The following ITIH1 variants were observed in gnomAD, a reference collection of about 807,000 sequenced individuals.
The protein encoded by ITIH1 is inter-alpha-trypsin inhibitor heavy chain 1.
A neutral mutation model predicts 104.6 loss-of-function variants in ITIH1; 94 were observed. The observed-to-expected ratio is 0.90, with a 90% CI of 0.76 to 1.07. The LOEUF is 1.07. ITIH1 is among the 50% of genes least tolerant of loss of function. The pLI is 0.00. For missense variants in ITIH1, 1,193 were observed against 1,181.4 expected (o/e 1.01, Z -0.14); for synonymous variants, 455 against 464.4 (o/e 0.98, Z 0.26).
At chr3:52,787,804 C>G in intron 16 of ITIH1, 182 bp from the exon 17 acceptor site, 1 of 895,990 alleles carries the variant, frequency 1.1e-6, no homozygotes, top group Non-Finnish European at 1.9e-6. Flanking sequence ...GCTAAACATG[C>G]CAGGCCAAGC....
At chr3:52,787,921 G>A in intron 16 of ITIH1, 65 bp from the exon 17 acceptor site, 1 of 1,458,222 alleles carries the variant, frequency 6.9e-7, no homozygotes. Context: ...AGTCATCAGA[G>A]GGATCAGCAG....
At position 52,787,050 on chromosome 3, in the gene ITIH1, C is replaced by T; in HGVS notation, c.1839C>T (p.Gly613=). 1 of 1,614,176 alleles carries T rather than the reference C, an allele frequency of 6.2e-7. No individual in the cohort carries two copies. The highest frequency in any genetic ancestry group is 8.5e-7 in the Non-Finnish European group (1 of 1,180,022). ...CACTGACCTCCATGAGCATCAGGGGCATGGCGGACCAGGACGGCCTGAAGC... is the reference window on the plus strand; with the variant it reads ...CACTGACCTCCATGAGCATCAGGGGTATGGCGGACCAGGACGGCCTGAAGC... ...VTPLTSMSIR[G]MADQDGLKPT... The change falls in exon 14 of 22, where the codon GGC becomes GGT. Residue 613 remains glycine (G), a synonymous_variant. Coordinates refer to ENST00000273283, the MANE Select transcript of ITIH1 (RefSeq NM_002215.4).
In ITIH1 at chr3:52,782,155, C is replaced by G; in HGVS notation, c.818C>G (p.Ala273Gly). Reference protein sequence around the residue: ...SRDKICDLLVANNHFAHFFAP... With the variant: ...SRDKICDLLVGNNHFAHFFAP... ...ACTCGTTCTCCTCTATTTCAGGTGG[C>G]CAATAACCACTTTGCCCACTTCTTT... The change falls in exon 8 of 22, where the codon GCC (alanine) becomes GGC (glycine). Residue 273 changes from alanine to glycine, a missense_variant. Ala to Gly is a moderately conservative substitution (Grantham distance 60, BLOSUM62 0). Coordinates refer to ENST00000273283, the MANE Select transcript of ITIH1 (RefSeq NM_002215.4). 6.2e-6 allele frequency: 10 copies of G among 1,614,090 alleles called. No homozygotes were observed. The highest frequency in any genetic ancestry group is 8.5e-6 in the Non-Finnish European group (10 of 1,179,996).
At chr3:52,787,279 C>G in intron 15 of ITIH1, 77 bp downstream of exon 15, 1 of 1,574,082 alleles carries the variant, frequency 6.4e-7, no homozygotes, top group Non-Finnish European at 8.7e-7. Flanking sequence ...GCCCCAGGCT[C>G]GCAGCTCCCC....
At position 52,789,813 on chromosome 3, in the gene ITIH1, T is replaced by C. The variant is rs1460413659; in HGVS notation, c.2280T>C (p.Pro760=). ...CGCTGAACCCCGGCTTTGGTGGGCC[T>C]GTGTTTTCCTGGAGGGACCAAGCTG... ...NITLNPGFGG[P]VFSWRDQAVL... The change falls in exon 19 of 22, where the codon CCT becomes CCC. Residue 760 remains proline (P), a synonymous_variant. Transcript: ENST00000273283. 6.2e-7 allele frequency: 1 copy of C among 1,614,186 alleles called. No homozygotes were observed. Among genetic ancestry groups the C allele is most frequent in the African/African-American group, 1.3e-5 (1 of 75,058 alleles).
intron 15 of ITIH1, 143 bp downstream of exon 15, chr3:52,787,345 C>T (rs747690550): frequency 1.3e-4 from 163 of 1,265,396 alleles, no homozygotes; most frequent in Admixed American, 2.7e-4. Flanking sequence ...CTGAGCCGCC[C>T]TTCTCCACAT....
Position 52,788,241 on chromosome 3 carries a change from A to C in ITIH1, c.2015A>C (p.Asp672Ala). 6.2e-7 allele frequency: 1 copy of C among 1,606,900 alleles called. No individual in the cohort carries two copies. Among genetic ancestry groups the C allele is most frequent in the Non-Finnish European group, 8.5e-7 (1 of 1,175,066 alleles). ...CATGCTGTGCCCCCAGTGGACACAG[A>C]CCCTCACTTCATCATCCACGTGCCC... Reference protein sequence around the residue: ...LPDRVTGVDTDPHFIIHVPQK... With the variant: ...LPDRVTGVDTAPHFIIHVPQK... Residue 672 changes from aspartate to alanine, a missense_variant, in exon 18 of 22, where the codon GAC (aspartate) becomes GCC (alanine). Coordinates refer to ENST00000273283, the MANE Select transcript of ITIH1 (RefSeq NM_002215.4).
In ITIH1 at chr3:52,781,961, A is replaced by G. The variant is rs202021485; in HGVS notation, c.709A>G (p.Thr237Ala). ...CCAGGGTCATGTGCTGTTCCGTCCCACCGTGAGCCAGCAGCAGTCCTGCCC... is the reference window on the plus strand; with the variant it reads ...CCAGGGTCATGTGCTGTTCCGTCCCGCCGTGAGCCAGCAGCAGTCCTGCCC... ...GKKGHVLFRP[T>A]VSQQQSCPTC... The change falls in exon 7 of 22, where the codon ACC becomes GCC. Residue 237 changes from threonine (T) to alanine (A), a missense_variant. By Grantham distance (58) the Thr-to-Ala change is moderately conservative. Coordinates refer to ENST00000273283, the MANE Select transcript of ITIH1 (RefSeq NM_002215.4). 9.7e-5 allele frequency: 157 copies of G among 1,613,996 alleles called. No individual in the cohort carries two copies.
rs1699232162 is a variant in ITIH1 at position 52,787,482 on chromosome 3, C to A, written c.1904-110C>A. 5 of 1,332,558 alleles carry A rather than the reference C, an allele frequency of 3.8e-6. No individual in the cohort carries two copies. In the South Asian group the frequency reaches 4.7e-5, roughly 13 times the overall value. 82.5% of individuals were successfully genotyped at this position (1,332,558 alleles called of 1,614,324 possible). A position where few individuals can be genotyped will look rare whatever the true frequency, so the allele number is the denominator to read the frequency against. On this transcript the variant is annotated intron_variant, in intron 15 of 21. Coordinates refer to ENST00000273283, the MANE Select transcript of ITIH1 (RefSeq NM_002215.4). ...GCAGGACCCCAGGGGAGGGCTGAGA[C>A]CCCCAGAGGGACGGCTGGGCCCAGG...
At chr3:52,781,917 G>T in intron 6 of ITIH1, 23 bp from the exon 7 acceptor site, 1 of 1,613,502 alleles carries the variant, frequency 6.2e-7, no homozygotes. Flanking sequence ...ACCAGTAATG[G>T]CTCACACTCT....
chr3:52,780,409 G>C (rs749366505), intron 6 of ITIH1, 27 bp downstream of exon 6: 3 of 1,538,654 alleles, frequency 1.9e-6, no homozygotes, highest in Non-Finnish European at 2.7e-6. Flanking sequence ...GGGGGTGGTG[G>C]TGGGCCCTTT....
chr3:52,779,052 T>A lies in ITIH1; in HGVS notation c.410+6T>A. 1 of 1,594,128 alleles carries A rather than the reference T, an allele frequency of 6.3e-7. No homozygotes were observed. Among genetic ancestry groups the A allele is most frequent in the Non-Finnish European group, 8.6e-7 (1 of 1,161,866 alleles). The stretch of plus-strand genomic sequence containing the variant: ...GAGAATGCCGGCCTTGTCAGGTGAG[T>A]TCTGGGCCTGCTGGTCTCATCTCTA... On this transcript the variant is annotated splice_donor_region_variant and intron_variant, in intron 4 of 21. Coordinates refer to ENST00000273283, the MANE Select transcript of ITIH1 (RefSeq NM_002215.4). The surrounding 1 kb of genome is among the most constrained non-coding windows in gnomAD (Gnocchi z 4.4).
chr3:52,784,469 C>T lies in ITIH1; in HGVS notation c.1399C>T (p.Gln467Ter). Residue 467 changes from glutamine (Q) to a stop codon, truncating the protein, a stop_gained, in exon 11 of 22, where the codon CAG becomes TAG. Transcript: ENST00000273283. LOFTEE classifies it high-confidence loss of function. ...RIYEDHDATQQLQGFYSQVAK... is the reference protein window; with the variant it reads ...RIYEDHDATQ ...CTACGAGGACCATGATGCCACCCAG[C>T]AGCTGCAGGTCTCCCCTCACAACCC... The T allele has an allele frequency of 6.2e-7, 1 of 1,613,776 alleles. No individual in the cohort carries two copies. Among genetic ancestry groups the T allele is most frequent in the Non-Finnish European group, 8.5e-7 (1 of 1,179,792 alleles).
intron 8 of ITIH1, 65 bp downstream of exon 8, chr3:52,782,332 C>A: frequency 7.9e-7 from 1 of 1,264,184 alleles, no homozygotes; most frequent in Non-Finnish European, 1.2e-6. Context: ...TCACCACATG[C>A]CAGTTTTGCT....
At position 52,791,652 on chromosome 3, in the gene ITIH1, C is replaced by T. The variant is rs376720123; in HGVS notation, c.2606+24C>T. The T allele has an allele frequency of 8.3e-5, 134 of 1,610,156 alleles. No individual in the cohort carries two copies. In the African/African-American group the frequency reaches 1.3e-3, roughly 16 times the overall value. ...AGGTGGGTGGGCTGCTTGCCCAGCACGTCTGCCCTCGGCCACTTTGTAGTT... is the reference window on the plus strand; with the variant it reads ...AGGTGGGTGGGCTGCTTGCCCAGCATGTCTGCCCTCGGCCACTTTGTAGTT... On this transcript the variant is annotated intron_variant, in intron 21 of 21. Transcript: ENST00000273283.
At chr3:52,778,898 T>A in intron 3 of ITIH1, 44 bp from the exon 4 acceptor site, 1 of 1,415,666 alleles carries the variant, frequency 7.1e-7, no homozygotes, top group Non-Finnish European at 1.0e-6. Context: ...ACCTGTGTGG[T>A]CAGGAGGCTC....
intron 2 of ITIH1, 121 bp from the exon 3 acceptor site, chr3:52,778,219 C>T: frequency 8.6e-7 from 1 of 1,156,612 alleles, no homozygotes; most frequent in South Asian, 1.3e-5. Flanking sequence ...TTCCTGCGGT[C>T]TGTTCTTCCT....
In ITIH1 at chr3:52,786,439, G is replaced by T; in HGVS notation, c.1733+5G>T. On this transcript the variant is annotated splice_donor_5th_base_variant and intron_variant, in intron 13 of 21. Coordinates refer to ENST00000273283, the MANE Select transcript of ITIH1 (RefSeq NM_002215.4). Reference sequence around the variant, plus strand: ...CCAGGAGCTGCTGGCCAAGCGGTAGGGCACCTGCAGCTGCCCCAGGTGGGC... The same window carrying T: ...CCAGGAGCTGCTGGCCAAGCGGTAGTGCACCTGCAGCTGCCCCAGGTGGGC... The T allele has an allele frequency of 6.4e-7, 1 of 1,572,870 alleles. No individual in the cohort carries two copies. The highest frequency in any genetic ancestry group is 1.2e-5 in the South Asian group (1 of 85,670).
chr3:52,779,412 GC>G lies in ITIH1; in HGVS notation c.411-18del. On this transcript the variant is annotated intron_variant, in intron 4 of 21. Coordinates refer to ENST00000273283, the MANE Select transcript of ITIH1 (RefSeq NM_002215.4). The surrounding 1 kb of genome is among the most constrained non-coding windows in gnomAD (Gnocchi z 4.4). ...ATTTACCCTCTGTCTGTCTGCTGTT[GC>G]CTCTGGTGGCACATCCAGGGCCTCG... is the stretch of plus-strand genomic sequence containing the variant. The G allele has an allele frequency of 6.2e-7, 1 of 1,614,032 alleles. No homozygotes were observed. The highest frequency in any genetic ancestry group is 8.5e-7 in the Non-Finnish European group (1 of 1,179,858).
Sources: allele counts gnomAD v4.1 joint callset, GRCh38; gene constraint gnomAD v4.1.1; non-coding constraint Gnocchi (gnomAD v3.1); transcripts MANE v1.5; gene names NCBI Gene and HGNC (gene_info 2026-07-23, HGNC 2026-07-21).